The following NELL1 variants were observed in gnomAD, a reference collection of about 807,000 sequenced individuals.
The protein encoded by NELL1 is neural EGFL like 1.
In NELL1, 76 loss-of-function variants were observed where a neutral mutation model predicts 107.4. The observed-to-expected ratio is 0.71, with a 90% CI of 0.59 to 0.86. The LOEUF is 0.86. Among genes scored for constraint, NELL1 ranks in the 40% least tolerant of loss-of-function variants. The pLI, the probability that NELL1 is intolerant of heterozygous loss-of-function variation, is 0.00. For missense variants in NELL1, 1,024 were observed against 1,005.5 expected (o/e 1.02, Z -0.25); for synonymous variants, 353 against 341.2 (o/e 1.03, Z -0.38).
At chr11:21,572,441 C>T (rs79358719) in intron 18 of NELL1, among the ~76,000 whole-genome samples, 16,337 of 151,876 alleles carry the variant, frequency 0.11, 2,886 homozygotes, top group African/African-American at 0.37. Flanking sequence ...ACAAAGCCCA[C>T]AGTCTTATGG....
chr11:20,707,498 G>GT (rs1297744474), intron 2 of NELL1, among the ~76,000 whole-genome samples: 6 of 152,184 alleles, frequency 3.9e-5, no homozygotes, highest in African/African-American at 1.4e-4. Flanking sequence ...CATCTTTGTG[G>GT]TTTTATCTAC....
At chr11:21,570,564 C>G (rs750943216) in intron 17 of NELL1, among the ~76,000 whole-genome samples, 200 bp from the exon 18 acceptor site, 25 of 151,610 alleles carry the variant, frequency 1.6e-4, no homozygotes, top group Non-Finnish European at 2.7e-4. Flanking sequence ...AAAAATGTTC[C>G]TATTTTTATT....
At chr11:21,087,771 T>C (rs1015480461) in intron 12 of NELL1, among the ~76,000 whole-genome samples, 2 of 152,078 alleles carry the variant, frequency 1.3e-5, no homozygotes, top group African/African-American at 2.4e-5. Context: ...AAAATTGATA[T>C]GTATTAGTTA....
At position 21,570,941 on chromosome 11, in the gene NELL1, G is replaced by C. The variant is rs1218639179; in HGVS notation, c.2157+1G>C. Reference sequence around the variant, plus strand: ...TAGCTGTCAGCAGTGTCGGTGTCTGGTATGTTGGCTTCCTTTATAAGGTGT... The same window carrying C: ...TAGCTGTCAGCAGTGTCGGTGTCTGCTATGTTGGCTTCCTTTATAAGGTGT... On this transcript the variant is annotated splice_donor_variant, in intron 18 of 19. Transcript: ENST00000357134. LOFTEE classifies it high-confidence loss of function. The C allele has an allele frequency of 1.2e-6, 2 of 1,610,232 alleles. No homozygotes were observed. The highest frequency in any genetic ancestry group is 4.5e-5 in the East Asian group (2 of 44,742).
At chr11:20,933,147 C>G (rs1850652381) in intron 9 of NELL1, among the ~76,000 whole-genome samples, 1 of 152,104 alleles carries the variant, frequency 6.6e-6, no homozygotes, top group African/African-American at 2.4e-5. Flanking sequence ...ATCAAGAGAG[C>G]TGGAGGTGGT....
intron 12 of NELL1, among the ~76,000 whole-genome samples, chr11:21,056,217 C>T (rs1853611967): frequency 6.6e-6 from 1 of 152,162 alleles, no homozygotes; most frequent in Non-Finnish European, 1.5e-5. Flanking sequence ...AAAGGCTGAG[C>T]TACATTGCTT....
intron 10 of NELL1, among the ~76,000 whole-genome samples, chr11:20,941,000 A>G (rs1850841570): frequency 6.6e-6 from 1 of 152,068 alleles, no homozygotes; most frequent in Non-Finnish European, 1.5e-5. Context: ...TTAGCTGGGC[A>G]TGATGGTGCA....
intron 12 of NELL1, among the ~76,000 whole-genome samples, chr11:21,100,979 T>C (rs1854792402): frequency 6.9e-6 from 1 of 145,540 alleles, no homozygotes; most frequent in Non-Finnish European, 1.5e-5. Context: ...CCAAATGCTA[T>C]CCCTCCCCAC....
intron 3 of NELL1, among the ~76,000 whole-genome samples, chr11:20,786,363 A>AAG (rs1338178479): frequency 1.3e-5 from 2 of 150,846 alleles, no homozygotes; most frequent in African/African-American, 4.9e-5. Context: ...AAAAAAAAAG[A>AAG]AAAAAAAAGG....
At chr11:21,231,313 A>G (rs1261634863) in intron 14 of NELL1, among the ~76,000 whole-genome samples, 8 of 152,214 alleles carry the variant, frequency 5.3e-5, no homozygotes, top group Non-Finnish European at 1.0e-4. Flanking sequence ...GTGAAAAAAG[A>G]AAATTCACTT....
intron 14 of NELL1, among the ~76,000 whole-genome samples, chr11:21,342,275 C>T (rs1850583074): frequency 6.6e-6 from 1 of 152,142 alleles, no homozygotes; most frequent in South Asian, 2.1e-4. Context: ...TTTACATAAT[C>T]TCAAGGGATA....
intron 14 of NELL1, among the ~76,000 whole-genome samples, chr11:21,236,766 T>G (rs1858217702): frequency 6.6e-6 from 1 of 152,134 alleles, no homozygotes; most frequent in Non-Finnish European, 1.5e-5. Flanking sequence ...TAATATGAGC[T>G]AGGTTTAGAG....
At chr11:21,362,242 A>G (rs1047225917) in intron 14 of NELL1, among the ~76,000 whole-genome samples, 2 of 152,130 alleles carry the variant, frequency 1.3e-5, no homozygotes, top group Admixed American at 1.3e-4. Flanking sequence ...TGAGAGCTGG[A>G]CTGCAGTAAT....
chr11:20,936,791 C>G (rs565631806), intron 9 of NELL1, among the ~76,000 whole-genome samples: 1 of 152,300 alleles, frequency 6.6e-6, no homozygotes, highest in Admixed American at 6.5e-5. Context: ...CCGTGAGAAT[C>G]AGAGGGTTTT....
At chr11:20,689,060 A>G (rs951998184) in intron 2 of NELL1, among the ~76,000 whole-genome samples, 5 of 151,980 alleles carry the variant, frequency 3.3e-5, no homozygotes, top group East Asian at 3.9e-4. Context: ...GGCCGCTTAT[A>G]TGTCTTCTTT....
intron 13 of NELL1, among the ~76,000 whole-genome samples, chr11:21,153,971 A>G (rs1856176285): frequency 6.6e-6 from 1 of 152,184 alleles, no homozygotes; most frequent in Non-Finnish European, 1.5e-5. Context: ...TAAAATTAAG[A>G]ACCATACACT....
intron 13 of NELL1, among the ~76,000 whole-genome samples, chr11:21,141,019 A>G (rs775998462): frequency 6.6e-6 from 1 of 152,232 alleles, no homozygotes; most frequent in Non-Finnish European, 1.5e-5. Context: ...GTGTCCCAGT[A>G]TAGCAAGAAA....
In NELL1 at chr11:21,558,284, G is replaced by A. The variant is rs113595740; in HGVS notation, c.1787-1905G>A. On this transcript the variant is annotated intron_variant, in intron 16 of 19. Coordinates refer to ENST00000357134, the MANE Select transcript of NELL1 (RefSeq NM_006157.5). ...AATATGGCCTCTTTGTGGATCTCCCGTTGCTTTTTAAAAAAAAATCAGTTG... is the reference window on the plus strand; with the variant it reads ...AATATGGCCTCTTTGTGGATCTCCCATTGCTTTTTAAAAAAAAATCAGTTG... 2.2e-3 allele frequency among the ~76,000 whole-genome samples: 334 copies of A among 151,356 alleles called. 1 individual carries two copies. Among genetic ancestry groups the A allele is most frequent in the East Asian group, 0.013 (64 of 5,108 alleles).
chr11:21,255,068 C>T (rs1175663336), intron 14 of NELL1, among the ~76,000 whole-genome samples: 1 of 152,042 alleles, frequency 6.6e-6, no homozygotes, highest in African/African-American at 2.4e-5. Flanking sequence ...AACAAAGAGA[C>T]TAGGTGTCCC....
Sources: gnomAD v4.1 joint callset for allele counts (sites outside exome capture counted in the v4.1 genomes callset) on GRCh38, gnomAD v4.1.1 for gene constraint, MANE v1.5 for transcripts, NCBI Gene and HGNC (gene_info 2026-07-23, HGNC 2026-07-21) for gene names.